WWOX: variants seen among roughly 807,000 people sequenced by gnomAD.
WWOX encodes WW domain-containing oxidoreductase.
A neutral mutation model predicts 46.2 loss-of-function variants in WWOX; 69 were observed. That is an observed-to-expected ratio of 1.49 (90% CI 1.23 to 1.82). WWOX has a LOEUF of 1.82. Ranked by LOEUF, WWOX falls within the 40% of genes most tolerant of loss-of-function variation. The pLI is 0.00. For synonymous variants in WWOX, 359 were observed against 202.6 expected, an observed-to-expected ratio of 1.77 and a Z score of -6.56; for missense variants, 919 against 542.6, an observed-to-expected ratio of 1.69 and a Z score of -6.89.
At chr16:78,240,256 A>T (rs1567450678) in intron 5 of WWOX, among the ~76,000 whole-genome samples, 1 of 152,016 alleles carries the variant, frequency 6.6e-6, no homozygotes, top group Non-Finnish European at 1.5e-5. Flanking sequence ...CGGAGGGGGC[A>T]TCACTTGAGC....
intron 8 of WWOX, among the ~76,000 whole-genome samples, chr16:78,503,323 C>T (rs562948993): frequency 6.6e-6 from 1 of 152,164 alleles, no homozygotes; most frequent in Admixed American, 6.5e-5. Context: ...CTCAGGTCTA[C>T]CTATAAGTAC....
rs368699281 is a variant in WWOX at position 78,595,508 on chromosome 16, G to T, written c.1056+162756G>T. Among the ~76,000 whole-genome samples, 59 of 152,338 alleles carry T rather than the reference G, an allele frequency of 3.9e-4. 1 individual carries two copies. The highest frequency in any genetic ancestry group is 1.4e-3 in the African/African-American group (57 of 41,584). ...CTCACTCATGACTTCACGTGGCTAT[G>T]TACAAGACCACATCTCTCAATGGTG... On this transcript the variant is annotated intron_variant, in intron 8 of 8. Transcript: ENST00000566780.
chr16:78,293,282 TC>T (rs1001480207), intron 5 of WWOX, among the ~76,000 whole-genome samples: 1 of 152,208 alleles, frequency 6.6e-6, no homozygotes, highest in African/African-American at 2.4e-5. Flanking sequence ...TTTGTAAATC[TC>T]CCTGGGAGCT....
At chr16:78,716,533 G>T (rs1316198081) in intron 8 of WWOX, among the ~76,000 whole-genome samples, 2 of 152,052 alleles carry the variant, frequency 1.3e-5, no homozygotes, top group African/African-American at 4.8e-5. Context: ...TCACTTTTGG[G>T]TCCCTATGTC....
intron 5 of WWOX, chr16:78,355,444 T>TACAAAAA: frequency 3.2e-6 from 1 of 316,312 alleles, no homozygotes; most frequent in South Asian, 3.1e-5. Flanking sequence ...CTACTAAAAG[T>TACAAAAA]ACAAAAAATT....
At chr16:78,122,905 G>A (rs1468392204) in intron 4 of WWOX, among the ~76,000 whole-genome samples, 2 of 152,008 alleles carry the variant, frequency 1.3e-5, no homozygotes, top group Non-Finnish European at 2.9e-5. Flanking sequence ...ATGCCCGGGG[G>A]TGTTGTACAT....
intron 8 of WWOX, among the ~76,000 whole-genome samples, chr16:79,053,969 G>A (rs2048216228): frequency 6.8e-6 from 1 of 147,716 alleles, no homozygotes; most frequent in African/African-American, 2.5e-5. Context: ...TCCTTTTTCT[G>A]CTGTTATTAT....
intron 5 of WWOX, among the ~76,000 whole-genome samples, chr16:78,385,544 T>C (rs1290620634): frequency 1.3e-5 from 2 of 152,280 alleles, no homozygotes; most frequent in Middle Eastern, 3.4e-3. Context: ...CACTGCCTGA[T>C]GTTTACTGCT....
At chr16:78,801,031 G>C (rs1291697712) in intron 8 of WWOX, among the ~76,000 whole-genome samples, 3 of 151,572 alleles carry the variant, frequency 2.0e-5, no homozygotes, top group East Asian at 3.9e-4. Context: ...TTTCTGGGCA[G>C]TTTTGTTGTC....
intron 5 of WWOX, among the ~76,000 whole-genome samples, chr16:78,320,759 A>G (rs761171043): frequency 1.3e-5 from 2 of 152,186 alleles, no homozygotes; most frequent in African/African-American, 4.8e-5. Flanking sequence ...TTTGCAGAAG[A>G]TGGTATACCT....
chr16:78,866,909 C>G (rs373843885), intron 8 of WWOX, among the ~76,000 whole-genome samples: 1 of 152,204 alleles, frequency 6.6e-6, no homozygotes, highest in Admixed American at 6.6e-5. Flanking sequence ...GGAGCAAACT[C>G]TTTCTTTGGT....
intron 8 of WWOX, among the ~76,000 whole-genome samples, chr16:78,929,274 G>A (rs1483730388): frequency 6.6e-6 from 1 of 150,918 alleles, no homozygotes; most frequent in East Asian, 1.9e-4. Flanking sequence ...TTGTATTTAA[G>A]TTTCCTAGCA....
intron 8 of WWOX, among the ~76,000 whole-genome samples, chr16:78,502,377 C>T (rs1205842930): frequency 6.6e-6 from 1 of 152,168 alleles, no homozygotes; most frequent in Non-Finnish European, 1.5e-5. Context: ...ACTAACCAAT[C>T]TACTTGCTGT....
intron 8 of WWOX, among the ~76,000 whole-genome samples, chr16:79,115,241 A>G (rs905244618): frequency 2.6e-5 from 4 of 152,172 alleles, no homozygotes; most frequent in Non-Finnish European, 4.4e-5. Flanking sequence ...CTCTCTAACA[A>G]TCAATGGAAA....
At chr16:78,954,145 C>T (rs983886829) in intron 8 of WWOX, among the ~76,000 whole-genome samples, 1 of 152,100 alleles carries the variant, frequency 6.6e-6, no homozygotes, top group African/African-American at 2.4e-5. Context: ...ATAAAAATGT[C>T]TGTCAGAGTA....
At chr16:78,215,447 G>A (rs2036688663) in intron 5 of WWOX, among the ~76,000 whole-genome samples, 3 of 152,154 alleles carry the variant, frequency 2.0e-5, no homozygotes, top group South Asian at 4.1e-4. Flanking sequence ...TTTATAAATG[G>A]AAGTTTCCCC....
chr16:78,818,759 C>G (rs1037074849), intron 8 of WWOX, among the ~76,000 whole-genome samples: 1 of 152,210 alleles, frequency 6.6e-6, no homozygotes, highest in African/African-American at 2.4e-5. Flanking sequence ...AAGTCATTAA[C>G]TATTCGGGGC....
intron 8 of WWOX, among the ~76,000 whole-genome samples, chr16:79,057,586 G>C (rs115142037): frequency 1.3e-4 from 6 of 44,832 alleles, no homozygotes; most frequent in Non-Finnish European, 3.0e-4. Flanking sequence ...GGTGATTTTG[G>C]GGGGGGCACC....
At chr16:78,631,000 TAAAC>T (rs773237070) in intron 8 of WWOX, among the ~76,000 whole-genome samples, 5 of 152,180 alleles carry the variant, frequency 3.3e-5, no homozygotes, top group Admixed American at 6.5e-5. Context: ...CATTATTCCT[TAAAC>T]AATCCAACAT....
Sources: gnomAD v4.1 joint callset for allele counts (sites outside exome capture counted in the v4.1 genomes callset) on GRCh38, gnomAD v4.1.1 for gene constraint, MANE v1.5 for transcripts, NCBI Gene and HGNC (gene_info 2026-07-23, HGNC 2026-07-21) for gene names.